Variants in GALNT18 observed in about 807,000 individuals in gnomAD.
GALNT18 encodes the protein polypeptide N-acetylgalactosaminyltransferase 18.
In GALNT18, 44 loss-of-function variants were observed where a neutral mutation model predicts 69.5. The observed-to-expected ratio is 0.63, with a 90% CI of 0.50 to 0.81. The LOEUF is 0.81. GALNT18 is among the 40% of genes least tolerant of loss of function. GALNT18 has a pLI of 0.00. For synonymous variants in GALNT18, 364 were observed against 318.2 expected (o/e 1.14, Z -1.53); for missense variants, 715 against 810.0 (o/e 0.88, Z 1.42).
At chr11:11,536,717 A>T (rs572972077) in intron 1 of GALNT18, among the ~76,000 whole-genome samples, 1 of 152,078 alleles carries the variant, frequency 6.6e-6, no homozygotes, top group Admixed American at 6.5e-5. Flanking sequence ...ATGAGTCTCT[A>T]AAGAGAAGGA....
rs376800563 is a variant in GALNT18 at position 11,503,002 on chromosome 11, C to T, written c.236-54066G>A. 3.9e-5 allele frequency among the ~76,000 whole-genome samples: 6 copies of T among 152,320 alleles called. No individual in the cohort carries two copies. The East Asian group carries it at 9.6e-4, about 24-fold the overall frequency. Reference sequence around the variant, plus strand: ...CCCGTCAAAATGTTTGTAATATGTACACCAGGCAAGCATCTCATGGAAGAA... The same window carrying T: ...CCCGTCAAAATGTTTGTAATATGTATACCAGGCAAGCATCTCATGGAAGAA... On this transcript the variant is annotated intron_variant, in intron 1 of 10. Transcript: ENST00000227756.
At chr11:11,529,022 C>T (rs972341138) in intron 1 of GALNT18, among the ~76,000 whole-genome samples, 3 of 152,098 alleles carry the variant, frequency 2.0e-5, no homozygotes, top group Non-Finnish European at 4.4e-5. Flanking sequence ...CTTGCTAGCT[C>T]CATGGTCGAA....
Position 11,621,385 on chromosome 11 carries a change from T to G in GALNT18, c.209A>C (p.Glu70Ala). 1 of 1,613,998 alleles carries G rather than the reference T, an allele frequency of 6.2e-7. No individual in the cohort carries two copies. The highest frequency in any genetic ancestry group is 8.5e-7 in the Non-Finnish European group (1 of 1,179,990). The stretch of plus-strand genomic sequence containing the variant: ...TTGAATGTGCTGCTTGATGACATTC[T>G]CCAGGTGGTCCAGCCGCTCAATAAT... The part of the protein sequence containing the change: ...LKIIERLDHL[E>A]NVIKQHIQEA... Residue 70 changes from glutamate (E) to alanine (A), a missense_variant, in exon 1 of 11, where the codon GAG (glutamate) becomes GCG (alanine). Physicochemically the swap from Glu to Ala is moderately radical, Grantham distance 107 (BLOSUM62 -1). Transcript: ENST00000227756. The surrounding 1 kb of genome is among the most constrained non-coding windows in gnomAD (Gnocchi z 9.3).
Position 11,621,232 on chromosome 11 carries a change from T to A in GALNT18, c.235+127A>T. 1 of 724,608 alleles carries A rather than the reference T, an allele frequency of 1.4e-6. No homozygotes were observed. Among genetic ancestry groups the A allele is most frequent in the Admixed American group, 2.5e-5 (1 of 40,522 alleles). The allele number at this position is 724,608 out of a possible 1,614,324, so 44.9% of individuals were successfully genotyped here. Reference sequence around the variant, plus strand: ...GGAGCTCACACGCAGGCCCCACGACTACCACGCATCTGCGGCCCCAGAGCC... The same window carrying A: ...GGAGCTCACACGCAGGCCCCACGACAACCACGCATCTGCGGCCCCAGAGCC... On this transcript the variant is annotated intron_variant, in intron 1 of 10. Transcript: ENST00000227756. This position sits in a 1 kb window ranked among gnomAD's most constrained non-coding sequence, Gnocchi z 9.3.
rs1254571029 is a variant in GALNT18 at position 11,332,490 on chromosome 11, C to G, written c.1416+204G>C. 6.6e-6 allele frequency among the ~76,000 whole-genome samples: 1 copy of G among 152,200 alleles called. No homozygotes were observed. The highest frequency in any genetic ancestry group is 1.5e-5 in the Non-Finnish European group (1 of 68,040). ...ATTGCTTAGGACTATAAAGGAGAGA[C>G]AAGTACCTCTCTCAAGGGACTGGAG... On this transcript the variant is annotated intron_variant, in intron 8 of 10. Coordinates refer to ENST00000227756, the MANE Select transcript of GALNT18 (RefSeq NM_198516.3). The surrounding 1 kb of genome is among the most constrained non-coding windows in gnomAD (Gnocchi z 4.3).
At chr11:11,455,873 C>G (rs61283441) in intron 1 of GALNT18, among the ~76,000 whole-genome samples, 3,747 of 152,186 alleles carry the variant, frequency 0.025, 149 homozygotes, top group African/African-American at 0.086. Context: ...CATATTGCTT[C>G]AGGCCTGGAG....
At chr11:11,379,327 C>T in intron 3 of GALNT18, 63 bp from the exon 4 acceptor site, 2 of 1,478,782 alleles carry the variant, frequency 1.4e-6, no homozygotes, top group East Asian at 2.3e-5. Context: ...GGGGCAATCA[C>T]AACAGTCACT....
At chr11:11,304,644 G>GAAAT (rs935938720) in intron 9 of GALNT18, among the ~76,000 whole-genome samples, 2 of 152,142 alleles carry the variant, frequency 1.3e-5, no homozygotes, top group Non-Finnish European at 2.9e-5. Flanking sequence ...TTTGTTGTTC[G>GAAAT]AAATAGTCTC....
Position 11,461,495 on chromosome 11 carries a change from A to C in GALNT18, c.236-12559T>G, listed in dbSNP as rs1216929816. 6.6e-6 allele frequency among the ~76,000 whole-genome samples: 1 copy of C among 152,142 alleles called. No individual in the cohort carries two copies. Among genetic ancestry groups the C allele is most frequent in the Non-Finnish European group, 1.5e-5 (1 of 68,028 alleles). ...TGCCATTACTTGCTACTTTAAAGCA[A>C]CCTTTAAAGCTAGAATTCTGCCTAG... is the stretch of plus-strand genomic sequence containing the variant. On this transcript the variant is annotated intron_variant, in intron 1 of 10. Coordinates refer to ENST00000227756, the MANE Select transcript of GALNT18 (RefSeq NM_198516.3). The surrounding 1 kb of genome is among the most constrained non-coding windows in gnomAD (Gnocchi z 4.1).
At chr11:11,518,132 C>T (rs183984248) in intron 1 of GALNT18, among the ~76,000 whole-genome samples, 3 of 152,286 alleles carry the variant, frequency 2.0e-5, no homozygotes, top group Admixed American at 2.0e-4. Context: ...GAGAACTTCA[C>T]AGGACACCAG....
At chr11:11,581,232 G>A (rs1166994143) in intron 1 of GALNT18, among the ~76,000 whole-genome samples, 1 of 152,194 alleles carries the variant, frequency 6.6e-6, no homozygotes, top group Non-Finnish European at 1.5e-5. Context: ...TGGTGTTGAT[G>A]AGTATAAGTA....
chr11:11,272,382 A>AGACAACTGTGTCAGCTCCCTG (rs1848846291), intron 10 of GALNT18, among the ~76,000 whole-genome samples: 1 of 151,948 alleles, frequency 6.6e-6, no homozygotes, highest in South Asian at 2.1e-4. Flanking sequence ...TCAGCTCCCT[A>AGACAACTGTGTCAGCTCCCTG]ATGGATCTCC....
intron 1 of GALNT18, among the ~76,000 whole-genome samples, chr11:11,467,055 C>T (rs1856168972): frequency 6.6e-6 from 1 of 152,238 alleles, no homozygotes; most frequent in African/African-American, 2.4e-5. Context: ...CATCTCTGCA[C>T]ACAGGCAGTA....
intron 6 of GALNT18, among the ~76,000 whole-genome samples, chr11:11,351,231 A>G (rs1027472897): frequency 1.3e-5 from 2 of 152,008 alleles, no homozygotes; most frequent in African/African-American, 4.8e-5. Context: ...GGACATTTGG[A>G]CTCCTGCACA....
At chr11:11,457,801 T>G (rs1388644170) in intron 1 of GALNT18, among the ~76,000 whole-genome samples, 1 of 151,960 alleles carries the variant, frequency 6.6e-6, no homozygotes, top group Non-Finnish European at 1.5e-5. Context: ...AGGGGATCAC[T>G]GAGAAGGCTT....
chr11:11,327,128 C>G lies in GALNT18; in HGVS notation c.1470G>C (p.Glu490Asp), dbSNP rs527964041. 3.1e-6 allele frequency: 5 copies of G among 1,614,086 alleles called. No individual in the cohort carries two copies. The highest frequency in any genetic ancestry group is 4.2e-6 in the Non-Finnish European group (5 of 1,179,926). Residue 490 changes from glutamate (E) to aspartate (D), a missense_variant, in exon 9 of 11, where the codon GAG becomes GAC. By Grantham distance (45) the Glu-to-Asp change is conservative. Transcript: ENST00000227756. Reference protein sequence around the residue: ...DLCLDQGPDTENVPIMYICHG... With the variant: ...DLCLDQGPDTDNVPIMYICHG... The stretch of plus-strand genomic sequence containing the variant: ...GGCAGATGTACATGATGGGGACATT[C>G]TCTGTATCTGGCCCCTGGTCAAGAC...
rs1007999030 is a variant in GALNT18, at chr11:11,444,286, G to A, written c.428+4458C>T. ...CTGCCTCCCTGCCACAGAGGCACCA[G>A]AGGGACAGTGCTTCTGTGACCATCA... On this transcript the variant is annotated intron_variant, in intron 2 of 10. Coordinates refer to ENST00000227756, the MANE Select transcript of GALNT18 (RefSeq NM_198516.3). The surrounding 1 kb of genome is among the most constrained non-coding windows in gnomAD (Gnocchi z 4.4). 2.0e-5 allele frequency among the ~76,000 whole-genome samples: 3 copies of A among 152,098 alleles called. No individual in the cohort carries two copies. Among genetic ancestry groups the A allele is most frequent in the African/African-American group, 4.8e-5 (2 of 41,406 alleles).
In GALNT18 at chr11:11,614,806, C is replaced by T. The variant is rs996275962; in HGVS notation, c.235+6553G>A. Among the ~76,000 whole-genome samples, 11 of 152,136 alleles carry T rather than the reference C, an allele frequency of 7.2e-5. No homozygotes were observed. Among genetic ancestry groups the T allele is most frequent in the African/African-American group, 2.7e-4 (11 of 41,438 alleles). On this transcript the variant is annotated intron_variant, in intron 1 of 10. Transcript: ENST00000227756. This position sits in a 1 kb window ranked among gnomAD's most constrained non-coding sequence, Gnocchi z 5.6. ...CATTCTGAATTCTCCTTGAGATTCT[C>T]CACCAACCTACTTATCAAGGGAAAA...
In GALNT18 at chr11:11,411,132, G is replaced by A. The variant is rs1463054649; in HGVS notation, c.595+21489C>T. ...GTTAGAGATCATCCTGGGCAACACA[G>A]CAAGACCCTGTTTCTAAATAAACAA... is the stretch of plus-strand genomic sequence containing the variant. On this transcript the variant is annotated intron_variant, in intron 3 of 10. Coordinates refer to ENST00000227756, the MANE Select transcript of GALNT18 (RefSeq NM_198516.3). Among the ~76,000 whole-genome samples the A allele has an allele frequency of 2.6e-5, 4 of 152,100 alleles. No homozygotes were observed. The East Asian group carries it at 7.7e-4, about 29-fold the overall frequency.
Sources: gnomAD v4.1 joint callset for allele counts (sites outside exome capture counted in the v4.1 genomes callset) on GRCh38, gnomAD v4.1.1 for gene constraint, Gnocchi (gnomAD v3.1) non-coding constraint, MANE v1.5 for transcripts, NCBI Gene and HGNC (gene_info 2026-07-23, HGNC 2026-07-21) for gene names.